The following NT5C2 variants were observed in gnomAD, a reference collection of about 807,000 sequenced individuals.
The protein encoded by NT5C2 is 5'-nucleotidase, cytosolic II.
NT5C2 carries 58 observed loss-of-function variants against 76.1 expected under a neutral mutation model. The observed-to-expected ratio is 0.76, with a 90% CI of 0.62 to 0.95. NT5C2 has a LOEUF of 0.95. NT5C2 is among the 40% of genes least tolerant of loss of function. NT5C2 has a pLI of 0.00. For missense variants in NT5C2, 478 were observed against 690.3 expected (o/e 0.69, Z 3.45); for synonymous variants, 229 against 237.4 (o/e 0.96, Z 0.32).
rs199649162 is a variant in NT5C2, at chr10:103,098,761, C to CA, written c.687+169_687+170insT. The CA allele has an allele frequency of 0.01, 5,869 of 565,976 alleles. 48 individuals carry two copies. The highest frequency in any genetic ancestry group is 0.014 in the Non-Finnish European group (4,617 of 320,324). The allele number at this position is 565,976 out of a possible 1,614,324, so 35.1% of individuals were successfully genotyped here. A position where few individuals can be genotyped will look rare whatever the true frequency, so the allele number is the denominator to read the frequency against. ...TGCCTATCAAGAAACAGGAAAAACTCTACTAAGACCTATGCTCTAGCTGAA... is the reference window on the plus strand; with the variant it reads ...TGCCTATCAAGAAACAGGAAAAACTCATACTAAGACCTATGCTCTAGCTGAA... On this transcript the variant is annotated intron_variant, in intron 10 of 18. Transcript: ENST00000404739.
intron 3 of NT5C2, among the ~76,000 whole-genome samples, chr10:103,158,963 A>G (rs2084099736): frequency 6.6e-6 from 1 of 152,228 alleles, no homozygotes; most frequent in African/African-American, 2.4e-5. Flanking sequence ...AGACTTGTAC[A>G]CTAAAGACTA....
chr10:103,097,237 C>G (rs2068428259), intron 11 of NT5C2, 54 bp downstream of exon 11: 6 of 1,321,814 alleles, frequency 4.5e-6, no homozygotes, highest in Non-Finnish European at 6.4e-6. Context: ...CTTCACAGTT[C>G]TTTAGGCCAA....
At chr10:103,103,392 T>C (rs2070326929) in intron 6 of NT5C2, among the ~76,000 whole-genome samples, 1 of 152,222 alleles carries the variant, frequency 6.6e-6, no homozygotes. Context: ...AAAAATATAC[T>C]TTCTTCAGTT....
Position 103,094,003 on chromosome 10 carries a change from C to T in NT5C2, c.957G>A (p.Gly319=). 6.2e-7 allele frequency: 1 copy of T among 1,613,796 alleles called. No homozygotes were observed. Among genetic ancestry groups the T allele is most frequent in the Non-Finnish European group, 8.5e-7 (1 of 1,179,744 alleles). ...AGTAGACGATACCATGCTGTAGGGG[C>T]CCTGTGTAGGTACCAATTTTCAGCT... The part of the protein sequence containing the change: ...TGKLKIGTYT[G]PLQHGIVYSG... Residue 319 remains glycine, a synonymous_variant, in exon 14 of 19, where the codon GGG becomes GGA. Transcript: ENST00000404739.
At chr10:103,091,814 C>A (rs2066984355) in intron 15 of NT5C2, among the ~76,000 whole-genome samples, 199 bp from the exon 16 acceptor site, 1 of 152,180 alleles carries the variant, frequency 6.6e-6, no homozygotes, top group Non-Finnish European at 1.5e-5. Context: ...CAGATGAACA[C>A]CATCACCTTC....
intron 4 of NT5C2, among the ~76,000 whole-genome samples, chr10:103,115,352 A>C (rs1274156744): frequency 6.6e-6 from 1 of 152,168 alleles, no homozygotes; most frequent in East Asian, 1.9e-4. Context: ...CAGTGAGTCG[A>C]GATTGTGCCA....
intron 4 of NT5C2, among the ~76,000 whole-genome samples, chr10:103,136,126 T>G (rs1488751529): frequency 2.0e-5 from 3 of 152,030 alleles, no homozygotes; most frequent in Non-Finnish European, 4.4e-5. Context: ...TTGCCCAATC[T>G]CAGGTATGTC....
chr10:103,190,074 C>T lies in NT5C2; in HGVS notation c.-169+3162G>A, dbSNP rs142139646. Among the ~76,000 whole-genome samples the T allele has an allele frequency of 3.5e-3, 505 of 144,304 alleles. 4 individuals are homozygous for T. The highest frequency in any genetic ancestry group is 0.013 in the African/African-American group (492 of 38,240). The allele number at this position is 144,304 out of a possible 152,430, so 94.7% of individuals were successfully genotyped here. On this transcript the variant is annotated intron_variant, in intron 1 of 18. Coordinates refer to ENST00000404739, the MANE Select transcript of NT5C2 (RefSeq NM_001351169.2). Reference sequence around the variant, plus strand: ...TGGAGTGCGTGGCGCAATCTCAGCTCACTGCAACCTCCGCCTCCTGGGTTC... The same window carrying T: ...TGGAGTGCGTGGCGCAATCTCAGCTTACTGCAACCTCCGCCTCCTGGGTTC...
intron 3 of NT5C2, among the ~76,000 whole-genome samples, chr10:103,170,778 C>T (rs2087758335): frequency 6.6e-6 from 1 of 151,902 alleles, no homozygotes; most frequent in Non-Finnish European, 1.5e-5. Flanking sequence ...CCGCCTGGCT[C>T]GGCCTCCCAA....
At chr10:103,122,082 C>T (rs1165324654) in intron 4 of NT5C2, among the ~76,000 whole-genome samples, 1 of 152,028 alleles carries the variant, frequency 6.6e-6, no homozygotes. Context: ...ACTGAGGCGC[C>T]AGAATCGCTT....
At chr10:103,091,123 C>T (rs2066723229) in intron 16 of NT5C2, 127 bp from the exon 17 acceptor site, 1 of 764,546 alleles carries the variant, frequency 1.3e-6, no homozygotes, top group Non-Finnish European at 2.2e-6. Context: ...CAACCTCTGC[C>T]TCCCAGCTTC....
intron 4 of NT5C2, among the ~76,000 whole-genome samples, chr10:103,126,677 AAC>A (rs766196043): frequency 3.2e-4 from 48 of 152,194 alleles, no homozygotes; most frequent in Non-Finnish European, 6.0e-4. Context: ...TGGTAAAGCT[AAC>A]ACATATGATT....
At chr10:103,126,321 T>A (rs371376973) in intron 4 of NT5C2, among the ~76,000 whole-genome samples, 14 of 152,162 alleles carry the variant, frequency 9.2e-5, no homozygotes, top group African/African-American at 3.1e-4. Context: ...TTGGCAGGTA[T>A]TTTTTATATA....
intron 4 of NT5C2, among the ~76,000 whole-genome samples, chr10:103,124,561 A>T (rs568870535): frequency 6.6e-6 from 1 of 152,224 alleles, no homozygotes; most frequent in African/African-American, 2.4e-5. Context: ...AGTCAGACAA[A>T]GAGTGCACTA....
chr10:103,130,822 G>T (rs1046732772), intron 4 of NT5C2, among the ~76,000 whole-genome samples: 2 of 151,808 alleles, frequency 1.3e-5, no homozygotes, highest in Non-Finnish European at 2.9e-5. Context: ...CTATTAATAG[G>T]AACCATTAAA....
rs1213432592 is a variant in NT5C2 at position 103,181,319 on chromosome 10, G to A, written c.-159C>T. 1 of 147,650 alleles carries A rather than the reference G, an allele frequency of 6.8e-6. No homozygotes were observed. Among genetic ancestry groups the A allele is most frequent in the African/African-American group, 2.5e-5 (1 of 39,742 alleles). 9.1% of individuals were successfully genotyped at this position (147,650 alleles called of 1,614,324 possible). A position where few individuals can be genotyped will look rare whatever the true frequency, so the allele number is the denominator to read the frequency against. Reference sequence around the variant, plus strand: ...TCACTGTACTCCAGCCTGGGCAGCAGAGCGAAACTCTGTCTCAAAAAAAAA... The same window carrying A: ...TCACTGTACTCCAGCCTGGGCAGCAAAGCGAAACTCTGTCTCAAAAAAAAA... On this transcript the variant is annotated 5_prime_UTR_variant, in exon 2 of 19. Transcript: ENST00000404739.
intron 3 of NT5C2, among the ~76,000 whole-genome samples, chr10:103,150,017 A>G (rs1164425865): frequency 6.6e-6 from 1 of 152,176 alleles, no homozygotes; most frequent in Non-Finnish European, 1.5e-5. Flanking sequence ...CAAAATTTTA[A>G]ATCAGCAGGA....
intron 1 of NT5C2, among the ~76,000 whole-genome samples, chr10:103,192,259 T>C (rs745574869): frequency 6.6e-6 from 1 of 152,158 alleles, no homozygotes; most frequent in Non-Finnish European, 1.5e-5. Flanking sequence ...GAAGAACTCA[T>C]CGGCCCCTGG....
At chr10:103,191,398 AG>A (rs1197768987) in intron 1 of NT5C2, among the ~76,000 whole-genome samples, 17 of 72,748 alleles carry the variant, frequency 2.3e-4, no homozygotes, top group Admixed American at 3.6e-4. Flanking sequence ...AAAAAAAAAA[AG>A]AGAGAGAGAG....
Sources: gnomAD v4.1 joint callset for allele counts (sites outside exome capture counted in the v4.1 genomes callset) on GRCh38, gnomAD v4.1.1 for gene constraint, MANE v1.5 for transcripts, NCBI Gene and HGNC (gene_info 2026-07-23, HGNC 2026-07-21) for gene names.